AGBL4: variants seen among roughly 807,000 people sequenced by gnomAD.
AGBL4 encodes the protein cytosolic carboxypeptidase 6.
Under a neutral mutation model 66.4 loss-of-function variants are expected in AGBL4, and 58 were observed. That is an observed-to-expected ratio of 0.87 (90% CI 0.71 to 1.09). The LOEUF is 1.09. Ranked by LOEUF, AGBL4 falls within the 50% of genes least tolerant of loss-of-function variation. The probability of loss-of-function intolerance (pLI) is 0.00; values close to 1 mark genes in which losing one functional copy is unlikely to be tolerated. For missense variants in AGBL4, 579 were observed against 631.0 expected, an observed-to-expected ratio of 0.92 and a Z score of 0.88; for synonymous variants, 234 against 222.9, an observed-to-expected ratio of 1.05 and a Z score of -0.44.
chr1:49,492,235 A>G (rs1647202855), intron 3 of AGBL4, among the ~76,000 whole-genome samples: 1 of 151,884 alleles, frequency 6.6e-6, no homozygotes, highest in South Asian at 2.1e-4. Flanking sequence ...GAGCCATAGC[A>G]ATATTGATGG....
chr1:48,890,165 C>G (rs959535238), intron 5 of AGBL4, among the ~76,000 whole-genome samples: 1 of 152,098 alleles, frequency 6.6e-6, no homozygotes, highest in Non-Finnish European at 1.5e-5. Flanking sequence ...GCCTTGGCCT[C>G]CTTTCACCCT....
At chr1:49,387,312 GCTAATAATAAAATAACC>G (rs1188304955) in intron 3 of AGBL4, among the ~76,000 whole-genome samples, 1 of 151,430 alleles carries the variant, frequency 6.6e-6, no homozygotes, top group Admixed American at 6.6e-5. Flanking sequence ...CTTTTTTGTT[GCTAATAATAAAATAACC>G]CTTATGCTCT....
chr1:49,649,664 A>C (rs1312891873), intron 3 of AGBL4, among the ~76,000 whole-genome samples: 1 of 152,166 alleles, frequency 6.6e-6, no homozygotes, highest in Non-Finnish European at 1.5e-5. Context: ...TCTATAAACT[A>C]CTTCATCCAA....
chr1:48,622,109 C>T (rs983287339), intron 9 of AGBL4, among the ~76,000 whole-genome samples: 2 of 152,168 alleles, frequency 1.3e-5, no homozygotes, highest in Non-Finnish European at 2.9e-5. Flanking sequence ...CCTGCCCCTT[C>T]TCCACATGCT....
intron 2 of AGBL4, among the ~76,000 whole-genome samples, chr1:49,732,200 T>C (rs1448256006): frequency 6.6e-6 from 1 of 152,148 alleles, no homozygotes; most frequent in Non-Finnish European, 1.5e-5. Flanking sequence ...AAGCATAGTC[T>C]TGGCTAAGAC....
At chr1:49,464,853 T>C (rs900198698) in intron 3 of AGBL4, among the ~76,000 whole-genome samples, 2 of 151,666 alleles carry the variant, frequency 1.3e-5, no homozygotes, top group African/African-American at 4.8e-5. Context: ...GGCTCCATGA[T>C]GAGAGAAACT....
rs141010686 is a variant in AGBL4, at chr1:49,890,083, C to T, written c.35-38565G>A. 5.9e-5 allele frequency among the ~76,000 whole-genome samples: 9 copies of T among 152,268 alleles called. No individual in the cohort carries two copies. The East Asian group carries it at 1.5e-3, about 26-fold the overall frequency. ...AAAAATAGCTACTACTTTTTGAGCA[C>T]TTACAATGTGTGAGACATTGGGCTA... On this transcript the variant is annotated intron_variant, in intron 1 of 13. Transcript: ENST00000371839.
chr1:48,682,482 C>T (rs561309994), intron 6 of AGBL4, among the ~76,000 whole-genome samples: 20 of 151,300 alleles, frequency 1.3e-4, no homozygotes, highest in African/African-American at 4.9e-4. Flanking sequence ...GATCATGGCT[C>T]ACTGCAGCCT....
chr1:49,997,297 C>T (rs1252865568), intron 1 of AGBL4, among the ~76,000 whole-genome samples: 1 of 152,178 alleles, frequency 6.6e-6, no homozygotes, highest in Admixed American at 6.5e-5. Flanking sequence ...CAAGTATCTG[C>T]TGTCTTCAAG....
intron 6 of AGBL4, among the ~76,000 whole-genome samples, chr1:48,816,620 A>G (rs575566631): frequency 1.3e-5 from 2 of 152,188 alleles, no homozygotes; most frequent in Non-Finnish European, 2.9e-5. Flanking sequence ...TCCCTCAAGG[A>G]TTATGGTAAC....
chr1:48,889,570 G>A (rs984003597), intron 5 of AGBL4, among the ~76,000 whole-genome samples: 3 of 152,260 alleles, frequency 2.0e-5, no homozygotes, highest in Admixed American at 1.3e-4. Context: ...TAAGGCTTTC[G>A]GACTGTCTCA....
chr1:49,068,241 C>CT (rs1557612621), intron 4 of AGBL4, among the ~76,000 whole-genome samples: 4 of 150,988 alleles, frequency 2.6e-5, no homozygotes, highest in Non-Finnish European at 3.0e-5. Context: ...TTTCTCTTTT[C>CT]TTTTTTTATT....
intron 1 of AGBL4, among the ~76,000 whole-genome samples, chr1:49,876,651 G>T (rs1328301304): frequency 7.9e-5 from 2 of 25,472 alleles, no homozygotes; most frequent in Non-Finnish European, 7.7e-5. Context: ...GCTCTTTTTT[G>T]GTTCCATATG....
intron 2 of AGBL4, among the ~76,000 whole-genome samples, chr1:49,839,834 T>C (rs1645944910): frequency 6.6e-6 from 1 of 152,210 alleles, no homozygotes; most frequent in Non-Finnish European, 1.5e-5. Flanking sequence ...GAATGCATTG[T>C]ACAATACTTT....
At chr1:50,021,717 C>T (rs1341829805) in intron 1 of AGBL4, among the ~76,000 whole-genome samples, 1 of 152,182 alleles carries the variant, frequency 6.6e-6, no homozygotes, top group Non-Finnish European at 1.5e-5. Flanking sequence ...GTACTCTCCT[C>T]AATGTAGCTG....
chr1:49,873,026 A>C (rs1046267533), intron 1 of AGBL4, among the ~76,000 whole-genome samples: 6 of 151,934 alleles, frequency 3.9e-5, no homozygotes, highest in Admixed American at 1.3e-4. Flanking sequence ...CTTTTCTAAA[A>C]GCCCTGTGAA....
At chr1:49,860,738 G>C (rs1646549236) in intron 1 of AGBL4, among the ~76,000 whole-genome samples, 1 of 148,926 alleles carries the variant, frequency 6.7e-6, no homozygotes, top group Non-Finnish European at 1.5e-5. Flanking sequence ...TAAAGAAATA[G>C]AAAGCTCCAT....
At chr1:48,849,950 G>A (rs1414025957) in intron 6 of AGBL4, among the ~76,000 whole-genome samples, 2 of 152,266 alleles carry the variant, frequency 1.3e-5, no homozygotes, top group Middle Eastern at 6.8e-3. Context: ...TCCAGCCTGG[G>A]TGAGAGAGCA....
chr1:48,887,700 A>C (rs1650508229), intron 5 of AGBL4, among the ~76,000 whole-genome samples: 1 of 152,136 alleles, frequency 6.6e-6, no homozygotes, highest in Admixed American at 6.5e-5. Flanking sequence ...GCTTTTCAAG[A>C]TCCGAGCAAG....
Sources: gnomAD v4.1 joint callset for allele counts (sites outside exome capture counted in the v4.1 genomes callset) on GRCh38, gnomAD v4.1.1 for gene constraint, MANE v1.5 for transcripts, NCBI Gene and HGNC (gene_info 2026-07-23, HGNC 2026-07-21) for gene names.